The following ATG16L2 variants were observed in gnomAD, a reference collection of about 807,000 sequenced individuals.
ATG16L2 encodes autophagy related 16 like 2.
ATG16L2 carries 77 observed loss-of-function variants against 84.7 expected under a neutral mutation model. The observed-to-expected ratio is 0.91, with a 90% CI of 0.76 to 1.10. The LOEUF is 1.10. Among genes scored for constraint, ATG16L2 ranks in the 50% least tolerant of loss-of-function variants. The probability of loss-of-function intolerance (pLI) is 0.00; values close to 1 mark genes in which losing one functional copy is unlikely to be tolerated. For missense variants in ATG16L2, 782 were observed against 817.6 expected (o/e 0.96, Z 0.53); for synonymous variants, 361 against 342.8 (o/e 1.05, Z -0.59).
intron 3 of ATG16L2, chr11:72,818,675 G>C (rs970595160): frequency 1.6e-4 from 24 of 152,202 alleles, no homozygotes; most frequent in Admixed American, 1.4e-3. Flanking sequence ...GAGGCTTGGA[G>C]AGGTAGAGCC....
chr11:72,822,067 TGGCGCAGCTGCGAGAGGCGCG>T lies in ATG16L2; in HGVS notation c.425_445del (p.Leu142_Gln148del). 4.0e-6 allele frequency: 6 copies of T among 1,518,776 alleles called. No individual in the cohort carries two copies. Among genetic ancestry groups the T allele is most frequent in the Non-Finnish European group, 5.2e-6 (6 of 1,149,016 alleles). The allele number at this position is 1,518,776 out of a possible 1,614,324, so 94.1% of individuals were successfully genotyped here. A position where few individuals can be genotyped will look rare whatever the true frequency, so the allele number is the denominator to read the frequency against. ...AGGCTGGCAGCCCTGGAGGCCCGCG[TGGCGCAGCTGCGAGAGGCGCG>T]GGCGCAGCAGGCCCAGCAGGTGGAG... On this transcript the variant is annotated inframe_deletion, in exon 5 of 18. Transcript: ENST00000321297. The surrounding 1 kb of genome is among the most constrained non-coding windows in gnomAD (Gnocchi z 4.2).
intron 5 of ATG16L2, chr11:72,841,002 G>C (rs748755228): frequency 3.2e-5 from 46 of 1,438,402 alleles, no homozygotes; most frequent in Non-Finnish European, 4.5e-5. Context: ...TTGAGTTGTT[G>C]AGCAATAATG....
chr11:72,833,850 G>A (rs991707568), downstream of ATG16L2, among the ~76,000 whole-genome samples: 21 of 151,940 alleles, frequency 1.4e-4, no homozygotes, highest in African/African-American at 4.8e-4. Context: ...TTGAACCCAG[G>A]AGGCAGAGGT....
intron 11 of ATG16L2, 86 bp from the exon 12 acceptor site, chr11:72,826,432 T>C: frequency 6.4e-7 from 1 of 1,553,788 alleles, no homozygotes; most frequent in Non-Finnish European, 8.8e-7. Flanking sequence ...CGTGGGAAAC[T>C]GTGAGGCAGC....
At chr11:72,821,792 G>A (rs1355446467) in intron 4 of ATG16L2, 51 bp downstream of exon 4, 2 of 1,516,370 alleles carry the variant, frequency 1.3e-6, no homozygotes, top group Non-Finnish European at 1.8e-6. Flanking sequence ...AGGGAGGCCC[G>A]GGGCCAACTA....
chr11:72,825,624 G>A (rs2135113889), intron 10 of ATG16L2, among the ~76,000 whole-genome samples: 1 of 152,304 alleles, frequency 6.6e-6, no homozygotes, highest in East Asian at 1.9e-4. Flanking sequence ...CAGATTTGCA[G>A]GATGGGGAGG....
intron 5 of ATG16L2, among the ~76,000 whole-genome samples, chr11:72,840,238 A>C (rs1860872780): frequency 6.6e-6 from 1 of 152,230 alleles, no homozygotes. Context: ...ATAAAGACTC[A>C]AGTCCTTAAG....
intron 7 of ATG16L2, chr11:72,823,235 T>G: frequency 2.5e-6 from 1 of 401,828 alleles, no homozygotes; most frequent in Admixed American, 4.2e-5. Flanking sequence ...TCTGAATAGC[T>G]GTCACCAGGA....
At chr11:72,828,606 C>A in intron 15 of ATG16L2, 98 bp downstream of exon 15, 2 of 1,592,512 alleles carry the variant, frequency 1.3e-6, no homozygotes, top group Non-Finnish European at 1.7e-6. Context: ...CCTGGAGGCC[C>A]CTCCAGACCA....
chr11:72,824,923 T>A (rs1356200557), intron 9 of ATG16L2, 81 bp downstream of exon 9: 16 of 1,227,700 alleles, frequency 1.3e-5, no homozygotes, highest in Non-Finnish European at 1.8e-5. Flanking sequence ...CCAGGGGTGG[T>A]CCCAAGAGGC....
chr11:72,817,415 T>A (rs1314579447), intron 2 of ATG16L2, among the ~76,000 whole-genome samples: 1 of 152,184 alleles, frequency 6.6e-6, no homozygotes, highest in Non-Finnish European at 1.5e-5. Context: ...GAGACGGGGT[T>A]TCACCATGTT....
At chr11:72,840,568 A>C (rs552768830) in intron 5 of ATG16L2, among the ~76,000 whole-genome samples, 1 of 152,328 alleles carries the variant, frequency 6.6e-6, no homozygotes, top group African/African-American at 2.4e-5. Context: ...ATGCTTACTG[A>C]AAAAAGTGTT....
downstream of ATG16L2, among the ~76,000 whole-genome samples, chr11:72,833,234 G>C (rs1050689879): frequency 6.6e-6 from 1 of 152,140 alleles, no homozygotes; most frequent in Non-Finnish European, 1.5e-5. Flanking sequence ...GTGGTTTCTG[G>C]AGAGATCTGA....
At chr11:72,826,321 T>C in intron 11 of ATG16L2, 78 bp downstream of exon 11, 2 of 1,515,140 alleles carry the variant, frequency 1.3e-6, no homozygotes, top group Middle Eastern at 1.8e-4. Context: ...CTGTGGGACC[T>C]GAGGGCGCAA....
At chr11:72,824,641 G>A in intron 8 of ATG16L2, 93 bp from the exon 9 acceptor site, 1 of 918,394 alleles carries the variant, frequency 1.1e-6, no homozygotes, top group Non-Finnish European at 1.8e-6. Context: ...TGCCATGTCT[G>A]CTTCCTATGG....
At chr11:72,826,343 T>G in intron 11 of ATG16L2, 100 bp downstream of exon 11, 4 of 1,444,930 alleles carry the variant, frequency 2.8e-6, no homozygotes, top group Non-Finnish European at 3.8e-6. Flanking sequence ...ATGGATACCC[T>G]AGAACCAGGC....
At chr11:72,826,928 A>G in intron 13 of ATG16L2, 105 bp downstream of exon 13, 1 of 1,376,058 alleles carries the variant, frequency 7.3e-7, no homozygotes, top group Non-Finnish European at 9.9e-7. Context: ...TGAGATTCAT[A>G]GGCATTTGGG....
At chr11:72,834,865 G>C (rs1475956715) in intron 5 of ATG16L2, among the ~76,000 whole-genome samples, 1 of 149,460 alleles carries the variant, frequency 6.7e-6, no homozygotes, top group Non-Finnish European at 1.5e-5. Context: ...GATTACAGGC[G>C]TAAGCCACCG....
chr11:72,822,268 G>T lies in ATG16L2; in HGVS notation c.617G>T (p.Arg206Leu), dbSNP rs1474534305. The T allele has an allele frequency of 3.3e-6, 5 of 1,504,536 alleles. No individual in the cohort carries two copies. Among genetic ancestry groups the T allele is most frequent in the Non-Finnish European group, 3.5e-6 (4 of 1,136,698 alleles). The allele number at this position is 1,504,536 out of a possible 1,614,324, so 93.2% of individuals were successfully genotyped here. Reference sequence around the variant, plus strand: ...CGCAAGGCGCGCGCCGCGGCCGAGCGCAACCTGCGCAACGAGCGCCGGGAG... The same window carrying T: ...CGCAAGGCGCGCGCCGCGGCCGAGCTCAACCTGCGCAACGAGCGCCGGGAG... ...VQRKARAAAE[R>L]NLRNERRERA... The change falls in exon 5 of 18, where the codon CGC (arginine) becomes CTC (leucine). Residue 206 changes from arginine to leucine, a missense_variant. Arg to Leu is a moderately radical substitution (Grantham distance 102). Transcript: ENST00000321297. The surrounding 1 kb of genome is among the most constrained non-coding windows in gnomAD (Gnocchi z 4.2).
Sources: allele counts gnomAD v4.1 joint callset (sites outside exome capture counted in the v4.1 genomes callset), GRCh38; gene constraint gnomAD v4.1.1; non-coding constraint Gnocchi (gnomAD v3.1); transcripts MANE v1.5; gene names NCBI Gene and HGNC (gene_info 2026-07-23, HGNC 2026-07-21).